Variants in PRRX2 observed in about 807,000 individuals in gnomAD.
The protein encoded by PRRX2 is paired mesoderm homeobox protein 2.
Under a neutral mutation model 18.0 loss-of-function variants are expected in PRRX2, and 11 were observed. That is an observed-to-expected ratio of 0.61 (90% CI 0.39 to 1.01). PRRX2 has a LOEUF of 1.01. Among genes scored for constraint, PRRX2 ranks in the 50% least tolerant of loss-of-function variants. The probability of loss-of-function intolerance (pLI) is 0.01; values close to 1 mark genes in which losing one functional copy is unlikely to be tolerated. For synonymous variants in PRRX2, 177 were observed against 154.8 expected, an observed-to-expected ratio of 1.14 and a Z score of -1.06; for missense variants, 387 against 351.0, an observed-to-expected ratio of 1.10 and a Z score of -0.82.
At chr9:129,679,638 C>G (rs10819555) in intron 1 of PRRX2, among the ~76,000 whole-genome samples, 1 of 152,092 alleles carries the variant, frequency 6.6e-6, no homozygotes, top group South Asian at 2.1e-4. Flanking sequence ...GGGCTGACTG[C>G]GACCTTACCC....
In PRRX2 at chr9:129,681,917, C is replaced by T. The variant is rs192862219; in HGVS notation, c.259+15791C>T. On this transcript the variant is annotated intron_variant, in intron 1 of 3. Coordinates refer to ENST00000372469, the MANE Select transcript of PRRX2 (RefSeq NM_016307.4). Reference sequence around the variant, plus strand: ...CCTGGGGATCACGGGCACATGTTTGCTGCTTTATTCAAAATGGGGAACCAC... The same window carrying T: ...CCTGGGGATCACGGGCACATGTTTGTTGCTTTATTCAAAATGGGGAACCAC... 6.2e-3 allele frequency among the ~76,000 whole-genome samples: 940 copies of T among 152,292 alleles called. 13 individuals are homozygous for T. The highest frequency in any genetic ancestry group is 0.022 in the African/African-American group (903 of 41,550).
intron 2 of PRRX2, among the ~76,000 whole-genome samples, chr9:129,719,853 G>A (rs1832766250): frequency 2.6e-5 from 4 of 152,134 alleles, no homozygotes; most frequent in Admixed American, 2.6e-4. Context: ...CGGGCGTGCT[G>A]GCGCGCGCCT....
chr9:129,669,978 C>G (rs1832079504), intron 1 of PRRX2, among the ~76,000 whole-genome samples: 1 of 149,940 alleles, frequency 6.7e-6, no homozygotes, highest in South Asian at 2.2e-4. Context: ...TGAAACCGCA[C>G]CCCCTTGAAC....
At chr9:129,670,876 C>G (rs773780526) in intron 1 of PRRX2, among the ~76,000 whole-genome samples, 1 of 152,196 alleles carries the variant, frequency 6.6e-6, no homozygotes, top group African/African-American at 2.4e-5. Flanking sequence ...TCTCCCCTTC[C>G]TTCCCCTTTC....
chr9:129,702,270 C>T (rs574613889), intron 1 of PRRX2, among the ~76,000 whole-genome samples: 49 of 140,026 alleles, frequency 3.5e-4, no homozygotes, highest in Non-Finnish European at 4.4e-4. Context: ...TGGTGGTGGG[C>T]GCCTGTAGTC....
chr9:129,713,907 T>A (rs1832666765), intron 1 of PRRX2, among the ~76,000 whole-genome samples: 1 of 151,442 alleles, frequency 6.6e-6, no homozygotes, highest in Non-Finnish European at 1.5e-5. Context: ...CCTCCCAAAG[T>A]GCTGGGATTA....
At chr9:129,716,451 T>C (rs1832707757) in intron 1 of PRRX2, among the ~76,000 whole-genome samples, 2 of 145,522 alleles carry the variant, frequency 1.4e-5, no homozygotes, top group South Asian at 4.3e-4. Flanking sequence ...CTATGCTTTC[T>C]TTCTTTTTTT....
chr9:129,717,912 T>C (rs1449000455), intron 1 of PRRX2, among the ~76,000 whole-genome samples: 1 of 152,086 alleles, frequency 6.6e-6, no homozygotes, highest in Non-Finnish European at 1.5e-5. Context: ...TAGTTGATTC[T>C]AAGTGCTGGA....
At chr9:129,703,477 C>A (rs1346760182) in intron 1 of PRRX2, among the ~76,000 whole-genome samples, 1 of 152,130 alleles carries the variant, frequency 6.6e-6, no homozygotes, top group Non-Finnish European at 1.5e-5. Flanking sequence ...AGATACCAGC[C>A]ACTTTGGGGA....
In PRRX2 at chr9:129,722,303, A is replaced by G. The variant is rs1239397892; in HGVS notation, c.713A>G (p.Lys238Arg). ...AACAGCATCGCCAGCCTCCGTCTCA[A>G]GGCCAAGGAGTTCAGCCTGCACCAC... ...MANSIASLRL[K>R]AKEFSLHHSQ... The change falls in exon 4 of 4, where the codon AAG becomes AGG. Residue 238 changes from lysine (K) to arginine (R), a missense_variant. Coordinates refer to ENST00000372469, the MANE Select transcript of PRRX2 (RefSeq NM_016307.4). The G allele has an allele frequency of 1.9e-6, 3 of 1,613,904 alleles. No homozygotes were observed. Among genetic ancestry groups the G allele is most frequent in the African/African-American group, 2.7e-5 (2 of 74,918 alleles).
chr9:129,699,274 A>G (rs1832466257), intron 1 of PRRX2, among the ~76,000 whole-genome samples: 1 of 152,104 alleles, frequency 6.6e-6, no homozygotes, highest in African/African-American at 2.4e-5. Flanking sequence ...TACACACAAA[A>G]TTAGCTGGGC....
rs1161088978 is a variant in PRRX2, at chr9:129,671,432, T to A, written c.259+5306T>A. Among the ~76,000 whole-genome samples the A allele has an allele frequency of 6.6e-6, 1 of 152,124 alleles. No homozygotes were observed. Among genetic ancestry groups the A allele is most frequent in the South Asian group, 2.1e-4 (1 of 4,830 alleles). ...GCTTGGGGGCCTGGCACAGGGGGCT[T>A]AGACCGGCTTGCCCTTCTCTGTGAG... On this transcript the variant is annotated intron_variant, in intron 1 of 3. Transcript: ENST00000372469. The surrounding 1 kb of genome is among the most constrained non-coding windows in gnomAD (Gnocchi z 4.0).
At chr9:129,698,769 C>G (rs999187338) in intron 1 of PRRX2, among the ~76,000 whole-genome samples, 1 of 152,188 alleles carries the variant, frequency 6.6e-6, no homozygotes, top group African/African-American at 2.4e-5. Flanking sequence ...CAGAGAGGAG[C>G]GGTCACAGGC....
rs1300329602 is a variant in PRRX2 at position 129,709,313 on chromosome 9, C to T, written c.260-9918C>T. 6.6e-6 allele frequency among the ~76,000 whole-genome samples: 1 copy of T among 152,208 alleles called. No homozygotes were observed. Among genetic ancestry groups the T allele is most frequent in the Non-Finnish European group, 1.5e-5 (1 of 68,038 alleles). ...TATTTAGGGGTGAGGCTCCCGACCC[C>T]AGAGAGACCCAGATACACCGCAACT... is the stretch of plus-strand genomic sequence containing the variant. On this transcript the variant is annotated intron_variant, in intron 1 of 3. Coordinates refer to ENST00000372469, the MANE Select transcript of PRRX2 (RefSeq NM_016307.4). The surrounding 1 kb of genome is among the most constrained non-coding windows in gnomAD (Gnocchi z 4.2).
chr9:129,703,320 C>G (rs1832520228), intron 1 of PRRX2, among the ~76,000 whole-genome samples: 1 of 152,212 alleles, frequency 6.6e-6, no homozygotes, highest in African/African-American at 2.4e-5. Context: ...CCAGCACTTG[C>G]CCTGGCTTCC....
chr9:129,719,196 T>G (rs1203323422), intron 1 of PRRX2, 35 bp from the exon 2 acceptor site: 1 of 1,511,996 alleles, frequency 6.6e-7, no homozygotes, highest in East Asian at 2.4e-5. Context: ...CCACTGGCCG[T>G]CCTGCTGACC....
chr9:129,685,391 G>C (rs1408453878), intron 1 of PRRX2, among the ~76,000 whole-genome samples: 1 of 152,108 alleles, frequency 6.6e-6, no homozygotes, highest in African/African-American at 2.4e-5. Flanking sequence ...TTTTGAGGCA[G>C]GGTCTCACTC....
intron 1 of PRRX2, among the ~76,000 whole-genome samples, chr9:129,697,013 C>G (rs968122566): frequency 5.9e-5 from 9 of 152,230 alleles, no homozygotes; most frequent in African/African-American, 1.9e-4. Context: ...GTTATCCCGA[C>G]TGTTAAACGG....
chr9:129,703,747 G>A (rs1184985279), intron 1 of PRRX2, among the ~76,000 whole-genome samples: 6 of 152,264 alleles, frequency 3.9e-5, no homozygotes, highest in Non-Finnish European at 7.4e-5. Context: ...TGAGGGGCGC[G>A]GCAGAAACAC....
Sources: allele counts gnomAD v4.1 joint callset (sites outside exome capture counted in the v4.1 genomes callset), GRCh38; gene constraint gnomAD v4.1.1; non-coding constraint Gnocchi (gnomAD v3.1); transcripts MANE v1.5; gene names NCBI Gene and HGNC (gene_info 2026-07-23, HGNC 2026-07-21).